Variants in CDH13 observed in about 807,000 individuals in gnomAD.
CDH13 encodes the protein cadherin 13.
A neutral mutation model predicts 63.8 loss-of-function variants in CDH13; 24 were observed. The observed-to-expected ratio is 0.38, with a 90% confidence interval of 0.27 to 0.53. The LOEUF (loss-of-function observed/expected upper bound fraction) is 0.53. Among genes scored for constraint, CDH13 ranks in the 20% least tolerant of loss-of-function variants. The probability of loss-of-function intolerance (pLI) is 0.85; values close to 1 mark genes in which losing one functional copy is unlikely to be tolerated. For missense variants in CDH13, 1,049 were observed against 903.1 expected, an observed-to-expected ratio of 1.16 and a Z score of -2.07; for synonymous variants, 503 against 355.3, an observed-to-expected ratio of 1.42 and a Z score of -4.67.
Position 83,184,982 on chromosome 16 carries a change from C to T in CDH13, c.484-32363C>T, listed in dbSNP as rs187626767. ...TTTTAAATACACACTTATAAGTGTA[C>T]ATGTGTGGTGTGTGGGTATATATAC... On this transcript the variant is annotated intron_variant, in intron 4 of 13. Coordinates refer to ENST00000567109, the MANE Select transcript of CDH13 (RefSeq NM_001257.5). Among the ~76,000 whole-genome samples the T allele has an allele frequency of 1.7e-3, 261 of 151,164 alleles. 2 individuals carry two copies. Among genetic ancestry groups the T allele is most frequent in the African/African-American group, 6.0e-3 (248 of 41,064 alleles).
chr16:83,548,228 C>T (rs533341418), intron 7 of CDH13, among the ~76,000 whole-genome samples: 1 of 152,052 alleles, frequency 6.6e-6, no homozygotes, highest in Non-Finnish European at 1.5e-5. Flanking sequence ...CTCAACAGGC[C>T]TTGGTGATGG....
At chr16:82,819,857 G>T (rs2037916266) in intron 1 of CDH13, among the ~76,000 whole-genome samples, 1 of 152,142 alleles carries the variant, frequency 6.6e-6, no homozygotes, top group Non-Finnish European at 1.5e-5. Flanking sequence ...ATATAAATAA[G>T]TCACATAGTA....
chr16:83,673,350 A>G lies in CDH13; in HGVS notation c.1284+2378A>G, dbSNP rs559376624. Reference sequence around the variant, plus strand: ...CAAATTTTGGCCTCTGAATCTACCAATCTCCGAGAAATCATCCCCGCTCAG... The same window carrying G: ...CAAATTTTGGCCTCTGAATCTACCAGTCTCCGAGAAATCATCCCCGCTCAG... On this transcript the variant is annotated intron_variant, in intron 9 of 13. Transcript: ENST00000567109. Among the ~76,000 whole-genome samples the G allele has an allele frequency of 1.1e-4, 16 of 152,206 alleles. No homozygotes were observed. The South Asian group carries it at 1.9e-3, about 18-fold the overall frequency.
chr16:83,200,760 A>C (rs1289488495), intron 4 of CDH13, among the ~76,000 whole-genome samples: 1 of 152,212 alleles, frequency 6.6e-6, no homozygotes, highest in African/African-American at 2.4e-5. Context: ...ACTCACAGCT[A>C]CTATGATCTT....
At chr16:82,706,210 T>C (rs966755263) in intron 1 of CDH13, among the ~76,000 whole-genome samples, 5 of 152,072 alleles carry the variant, frequency 3.3e-5, no homozygotes, top group Non-Finnish European at 7.4e-5. Context: ...CAAACCCTAT[T>C]ATATACCAGG....
intron 1 of CDH13, among the ~76,000 whole-genome samples, chr16:82,661,129 TC>T (rs1450366597): frequency 6.6e-6 from 1 of 152,178 alleles, no homozygotes; most frequent in Non-Finnish European, 1.5e-5. Context: ...GATACAGCTG[TC>T]CGTTTCCTTT....
chr16:83,011,431 A>T (rs1453510889), intron 2 of CDH13, among the ~76,000 whole-genome samples: 1 of 152,166 alleles, frequency 6.6e-6, no homozygotes, highest in African/African-American at 2.4e-5. Flanking sequence ...TGAGCCCTCA[A>T]CTTCTACAAG....
chr16:82,650,643 C>G (rs901207845), intron 1 of CDH13, among the ~76,000 whole-genome samples: 4 of 152,156 alleles, frequency 2.6e-5, no homozygotes, highest in African/African-American at 9.7e-5. Context: ...GCTCTCCTCC[C>G]ACATCCCCCT....
intron 2 of CDH13, among the ~76,000 whole-genome samples, chr16:82,871,835 A>C (rs1447196853): frequency 1.3e-5 from 2 of 152,134 alleles, no homozygotes; most frequent in African/African-American, 4.8e-5. Context: ...TCACTCTCAG[A>C]GGGTTTCCCT....
intron 6 of CDH13, among the ~76,000 whole-genome samples, chr16:83,469,957 G>A (rs1223710357): frequency 6.6e-6 from 1 of 152,190 alleles, no homozygotes; most frequent in African/African-American, 2.4e-5. Flanking sequence ...CCCTTAGACA[G>A]TGTCACCTTT....
chr16:82,666,434 G>T (rs375811601), intron 1 of CDH13, among the ~76,000 whole-genome samples: 3 of 152,308 alleles, frequency 2.0e-5, no homozygotes, highest in African/African-American at 7.2e-5. Context: ...CATACACTGT[G>T]CTTGTTCCTT....
intron 2 of CDH13, among the ~76,000 whole-genome samples, chr16:83,020,031 G>A (rs183278724): frequency 2.6e-5 from 4 of 152,040 alleles, no homozygotes; most frequent in Admixed American, 6.6e-5. Context: ...GCACTCTGAC[G>A]TTATGACAGC....
At chr16:83,682,897 C>T (rs1313008368) in intron 10 of CDH13, among the ~76,000 whole-genome samples, 1 of 152,216 alleles carries the variant, frequency 6.6e-6, no homozygotes, top group Non-Finnish European at 1.5e-5. Context: ...TGAGGGGGCT[C>T]CTTCCATGGT....
intron 10 of CDH13, among the ~76,000 whole-genome samples, chr16:83,724,594 C>G (rs749737183): frequency 6.6e-6 from 1 of 152,192 alleles, no homozygotes; most frequent in Non-Finnish European, 1.5e-5. Flanking sequence ...CAAGCTCAAA[C>G]CAGCTCAGAT....
chr16:83,237,475 G>A (rs907691592), intron 5 of CDH13, among the ~76,000 whole-genome samples: 2 of 152,246 alleles, frequency 1.3e-5, no homozygotes, highest in African/African-American at 4.8e-5. Context: ...CGTCCAATAA[G>A]GAAGCCAAAT....
intron 6 of CDH13, among the ~76,000 whole-genome samples, chr16:83,446,876 A>G (rs2072704064): frequency 6.6e-6 from 1 of 151,892 alleles, no homozygotes; most frequent in South Asian, 2.1e-4. Flanking sequence ...TGTCTTTATA[A>G]TAAAATAAAA....
At chr16:83,074,280 C>G (rs1260309434) in intron 3 of CDH13, among the ~76,000 whole-genome samples, 1 of 152,236 alleles carries the variant, frequency 6.6e-6, no homozygotes, top group Non-Finnish European at 1.5e-5. Flanking sequence ...TTTGACATAA[C>G]TATCTCCAGT....
intron 1 of CDH13, among the ~76,000 whole-genome samples, chr16:82,673,239 C>T (rs1415406803): frequency 6.6e-6 from 1 of 152,020 alleles, no homozygotes; most frequent in African/African-American, 2.4e-5. Flanking sequence ...TTTCCCCTTC[C>T]TTTTGTTTCT....
chr16:82,881,565 T>C (rs1353235259), intron 2 of CDH13, among the ~76,000 whole-genome samples: 2 of 152,260 alleles, frequency 1.3e-5, no homozygotes, highest in East Asian at 1.9e-4. Flanking sequence ...AGGTAACCCA[T>C]AGAGGACTGA....
Sources: gnomAD v4.1 joint callset for allele counts (sites outside exome capture counted in the v4.1 genomes callset) on GRCh38, gnomAD v4.1.1 for gene constraint, MANE v1.5 for transcripts, NCBI Gene and HGNC (gene_info 2026-07-23, HGNC 2026-07-21) for gene names.